DENND2A: variants seen among roughly 807,000 people sequenced by gnomAD.
DENND2A encodes the protein DENN domain containing 2A, also known as DENN domain-containing protein 2A.
DENND2A carries 53 observed loss-of-function variants against 105.3 expected under a neutral mutation model. That is an observed-to-expected ratio of 0.50 (90% CI 0.40 to 0.63). The LOEUF is 0.63. Ranked by LOEUF, DENND2A falls within the 30% of genes least tolerant of loss-of-function variation. The probability of loss-of-function intolerance (pLI) is 0.00; values close to 1 mark genes in which losing one functional copy is unlikely to be tolerated. For missense variants in DENND2A, 1,138 were observed against 1,279.6 expected, an observed-to-expected ratio of 0.89 and a Z score of 1.69; for synonymous variants, 522 against 508.4, an observed-to-expected ratio of 1.03 and a Z score of -0.36.
intron 3 of DENND2A, among the ~76,000 whole-genome samples, chr7:140,596,867 C>T (rs1296655969): frequency 6.6e-6 from 1 of 152,176 alleles, no homozygotes; most frequent in Non-Finnish European, 1.5e-5. Flanking sequence ...TAAATGTCGG[C>T]CTTAAGGCAT....
At chr7:140,534,837 AT>A (rs1263378726) in intron 14 of DENND2A, among the ~76,000 whole-genome samples, 2 of 152,150 alleles carry the variant, frequency 1.3e-5, no homozygotes, top group African/African-American at 2.4e-5. Flanking sequence ...GCTGTGATCA[AT>A]TGTACAAAAG....
intron 14 of DENND2A, among the ~76,000 whole-genome samples, chr7:140,529,640 G>A (rs1221662461): frequency 6.6e-6 from 1 of 152,136 alleles, no homozygotes; most frequent in African/African-American, 2.4e-5. Flanking sequence ...TTCATCCTTT[G>A]TAGGGACATG....
At chr7:140,609,462 G>A (rs542962694) in intron 1 of DENND2A, among the ~76,000 whole-genome samples, 3 of 152,252 alleles carry the variant, frequency 2.0e-5, no homozygotes, top group Non-Finnish European at 4.4e-5. Flanking sequence ...GCAGTAAGCC[G>A]AGATCGCCCC....
intron 1 of DENND2A, among the ~76,000 whole-genome samples, chr7:140,613,885 A>G (rs1252846401): frequency 6.6e-6 from 1 of 152,136 alleles, no homozygotes; most frequent in Non-Finnish European, 1.5e-5. Flanking sequence ...GGATGAATGC[A>G]CTACTGACTT....
chr7:140,599,553 C>A (rs1799405917), intron 3 of DENND2A, among the ~76,000 whole-genome samples: 1 of 151,988 alleles, frequency 6.6e-6, no homozygotes, highest in Non-Finnish European at 1.5e-5. Flanking sequence ...CACCATTTTA[C>A]AGATAGGTAA....
chr7:140,547,486 T>G (rs1462714539), intron 12 of DENND2A, among the ~76,000 whole-genome samples: 1 of 152,110 alleles, frequency 6.6e-6, no homozygotes, highest in African/African-American at 2.4e-5. Flanking sequence ...TAAGAACAAG[T>G]GTTGACAAGG....
intron 9 of DENND2A, among the ~76,000 whole-genome samples, chr7:140,564,848 G>C (rs903715448): frequency 6.6e-6 from 1 of 152,138 alleles, no homozygotes; most frequent in African/African-American, 2.4e-5. Context: ...AGGATAGCAG[G>C]ACAGCCCTTC....
At chr7:140,600,101 A>G (rs1799427459) in intron 3 of DENND2A, among the ~76,000 whole-genome samples, 1 of 152,142 alleles carries the variant, frequency 6.6e-6, no homozygotes, top group South Asian at 2.1e-4. Flanking sequence ...TTTGTGGCCT[A>G]AGCAACTAAA....
At chr7:140,574,510 C>T (rs1335129163) in intron 5 of DENND2A, among the ~76,000 whole-genome samples, 1 of 152,118 alleles carries the variant, frequency 6.6e-6, no homozygotes, top group Non-Finnish European at 1.5e-5. Flanking sequence ...TGAGCCACCA[C>T]ACCTGGCCCG....
chr7:140,554,180 C>T (rs1265983813), intron 12 of DENND2A, among the ~76,000 whole-genome samples: 5 of 151,288 alleles, frequency 3.3e-5, no homozygotes, highest in Non-Finnish European at 5.9e-5. Context: ...GAGCCGAGGT[C>T]GCACCCTTGC....
At position 140,559,710 on chromosome 7, in the gene DENND2A, G is replaced by T; in HGVS notation, c.1887C>A (p.Thr629=). 2 of 1,612,336 alleles carry T rather than the reference G, an allele frequency of 1.2e-6. No individual in the cohort carries two copies. The highest frequency in any genetic ancestry group is 1.7e-6 in the Non-Finnish European group (2 of 1,178,418). ...GAAGGGGAGAAGCCAGCTCGTACCT[G>T]GTGAACTGCTGGACAGGAACCCAAT... ...AKDWVPVQQF[T]SETFSFVLTG... is the part of the protein sequence containing the mutation. The change falls in exon 10 of 20, where the codon ACC becomes ACA. Residue 629 remains threonine (T), a splice_region_variant and synonymous_variant. Coordinates refer to ENST00000496613, the MANE Select transcript of DENND2A (RefSeq NM_015689.5). The surrounding 1 kb of genome is among the most constrained non-coding windows in gnomAD (Gnocchi z 4.1).
intron 1 of DENND2A, among the ~76,000 whole-genome samples, chr7:140,624,853 T>C (rs1424318318): frequency 5.0e-4 from 72 of 142,904 alleles, no homozygotes; most frequent in African/African-American, 2.0e-3. Context: ...TTCTTTGTTT[T>C]TTTTGTTTTT....
intron 5 of DENND2A, among the ~76,000 whole-genome samples, chr7:140,577,437 G>A (rs553574980): frequency 6.9e-6 from 1 of 145,078 alleles, no homozygotes; most frequent in African/African-American, 2.6e-5. Context: ...TCGCTCTGTT[G>A]CCCAGGCTGG....
At chr7:140,594,199 T>A (rs781133438) in intron 3 of DENND2A, among the ~76,000 whole-genome samples, 10 of 152,134 alleles carry the variant, frequency 6.6e-5, no homozygotes, top group East Asian at 1.9e-4. Flanking sequence ...TGAGCCACCG[T>A]GCCCGGCCTT....
In DENND2A at chr7:140,585,382, A is replaced by G. The variant is rs147141254; in HGVS notation, c.1245+207T>C. Reference sequence around the variant, plus strand: ...GAGGAGGTTTCTGAGCCAGAATCTCAATCGTATTTTAGGAAGCTTTTTTGA... The same window carrying G: ...GAGGAGGTTTCTGAGCCAGAATCTCGATCGTATTTTAGGAAGCTTTTTTGA... On this transcript the variant is annotated intron_variant, in intron 5 of 19. Transcript: ENST00000496613. 2.2e-3 allele frequency among the ~76,000 whole-genome samples: 332 copies of G among 152,248 alleles called. 2 individuals are homozygous for G. Among genetic ancestry groups the G allele is most frequent in the Middle Eastern group, 6.8e-3 (2 of 294 alleles).
At chr7:140,592,256 G>A (rs1424109418) in intron 3 of DENND2A, among the ~76,000 whole-genome samples, 1 of 150,440 alleles carries the variant, frequency 6.6e-6, no homozygotes, top group South Asian at 2.1e-4. Flanking sequence ...GCCCAGACTG[G>A]AGTGCAGTGG....
chr7:140,556,086 T>A (rs1217344331), intron 11 of DENND2A, among the ~76,000 whole-genome samples: 1 of 152,086 alleles, frequency 6.6e-6, no homozygotes, highest in Non-Finnish European at 1.5e-5. Flanking sequence ...GGTGTGATGT[T>A]GGCTCACTGC....
chr7:140,544,778 C>T lies in DENND2A; in HGVS notation c.2179-12G>A, dbSNP rs1200633204. The T allele has an allele frequency of 6.4e-7, 1 of 1,562,352 alleles. No individual in the cohort carries two copies. The highest frequency in any genetic ancestry group is 1.9e-5 in the Admixed American group (1 of 51,640). ...CACAGTTCGATCACCTGCCAGGGAA[C>T]AGGAGCAGCCATGAAGGAGGGGCCC... On this transcript the variant is annotated splice_polypyrimidine_tract_variant and intron_variant, in intron 13 of 19. Coordinates refer to ENST00000496613, the MANE Select transcript of DENND2A (RefSeq NM_015689.5).
chr7:140,632,741 G>A (rs1225770737), intron 1 of DENND2A, among the ~76,000 whole-genome samples: 5 of 146,754 alleles, frequency 3.4e-5, no homozygotes, highest in Non-Finnish European at 6.0e-5. Context: ...GCTAATTTTT[G>A]TATTTTTAGT....
Sources: allele counts gnomAD v4.1 joint callset (sites outside exome capture counted in the v4.1 genomes callset), GRCh38; gene constraint gnomAD v4.1.1; non-coding constraint Gnocchi (gnomAD v3.1); transcripts MANE v1.5; gene names NCBI Gene and HGNC (gene_info 2026-07-23, HGNC 2026-07-21).